Variants in CLIP4 observed in about 807,000 individuals in gnomAD.
CLIP4 encodes CAP-Gly domain-containing linker protein 4.
CLIP4 carries 47 observed loss-of-function variants against 73.1 expected under a neutral mutation model. That is an observed-to-expected ratio of 0.64 (90% confidence interval 0.51 to 0.82). The LOEUF (loss-of-function observed/expected upper bound fraction) is 0.82. CLIP4 is among the 40% of genes least tolerant of loss of function. The pLI is 0.00. For missense variants in CLIP4, 874 were observed against 852.9 expected, an observed-to-expected ratio of 1.02 and a Z score of -0.31; for synonymous variants, 306 against 295.4, an observed-to-expected ratio of 1.04 and a Z score of -0.37.
At chr2:29,142,036 G>A (rs1260872010) in intron 6 of CLIP4, among the ~76,000 whole-genome samples, 1 of 152,064 alleles carries the variant, frequency 6.6e-6, no homozygotes, top group East Asian at 1.9e-4. Context: ...TTTTGTTCCT[G>A]TTGTCGTGTT....
rs558087184 is a variant in CLIP4, at chr2:29,105,172, G to A, written c.-16+7225G>A. On this transcript the variant is annotated intron_variant, in intron 1 of 14. Coordinates refer to the CLIP4 transcript ENST00000401605. ...GATTTCCATCCCTCAAGGGTGTGTGGCTAACTTGTCTCAACTTCATTTTAA... is the reference window on the plus strand; with the variant it reads ...GATTTCCATCCCTCAAGGGTGTGTGACTAACTTGTCTCAACTTCATTTTAA... Among the ~76,000 whole-genome samples, 14 of 152,292 alleles carry A rather than the reference G, an allele frequency of 9.2e-5. No individual in the cohort carries two copies. The South Asian group carries it at 2.9e-3, about 32-fold the overall frequency.
At chr2:29,124,807 C>A (rs969016332) in intron 2 of CLIP4, among the ~76,000 whole-genome samples, 2 of 152,100 alleles carry the variant, frequency 1.3e-5, no homozygotes, top group Non-Finnish European at 2.9e-5. Context: ...GGTCTCTTCT[C>A]CACCTTTGAA....
intron 9 of CLIP4, among the ~76,000 whole-genome samples, chr2:29,155,870 T>C (rs1666890839): frequency 6.6e-6 from 1 of 152,208 alleles, no homozygotes; most frequent in South Asian, 2.1e-4. Flanking sequence ...AGAGGCTCCT[T>C]CTTTACAGAA....
intron 15 of CLIP4, among the ~76,000 whole-genome samples, chr2:29,174,893 G>A (rs1164687590): frequency 2.0e-5 from 3 of 150,692 alleles, no homozygotes; most frequent in African/African-American, 7.3e-5. Context: ...CTTTTTTTTT[G>A]TTTTGTTGCA....
chr2:29,156,932 TAGTC>T (rs1390752431), intron 10 of CLIP4, among the ~76,000 whole-genome samples: 4 of 152,148 alleles, frequency 2.6e-5, no homozygotes, highest in African/African-American at 7.2e-5. Context: ...TTAGATTAGG[TAGTC>T]AGTTCACATC....
intron 13 of CLIP4, among the ~76,000 whole-genome samples, chr2:29,164,730 A>G (rs1667496520): frequency 6.6e-6 from 1 of 152,202 alleles, no homozygotes; most frequent in Admixed American, 6.5e-5. Context: ...GTTTTCCCTT[A>G]CAACTAGACT....
At chr2:29,122,240 CTT>C (rs11359647) in intron 2 of CLIP4, among the ~76,000 whole-genome samples, 316 of 135,204 alleles carry the variant, frequency 2.3e-3, no homozygotes, top group Admixed American at 3.0e-3. Context: ...CTCCAAGTTT[CTT>C]TTTTTTTTTT....
chr2:29,107,358 G>GTTTTTTTTTGTTTTTGTTTTT (rs1558504865), intron 1 of CLIP4, among the ~76,000 whole-genome samples: 1 of 65,352 alleles, frequency 1.5e-5, no homozygotes, highest in African/African-American at 5.2e-5. Flanking sequence ...GAACATGATA[G>GTTTTTTTTTGTTTTTGTTTTT]TTTTTTTTTT....
At chr2:29,161,123 C>T (rs143995878) in intron 12 of CLIP4, among the ~76,000 whole-genome samples, 1,554 of 152,142 alleles carry the variant, frequency 0.01, 23 homozygotes, top group African/African-American at 0.035. Flanking sequence ...TACAGGCATG[C>T]GCCACCACGC....
intron 2 of CLIP4, chr2:29,130,061 A>C (rs971744609): frequency 2.1e-6 from 1 of 469,938 alleles, no homozygotes; most frequent in African/African-American, 2.0e-5. Context: ...GTTTCAGCAA[A>C]GGTTGTTCAG....
At chr2:29,170,084 C>T (rs1461257904) in intron 14 of CLIP4, among the ~76,000 whole-genome samples, 1 of 152,120 alleles carries the variant, frequency 6.6e-6, no homozygotes, top group Non-Finnish European at 1.5e-5. Flanking sequence ...GACAGGATTT[C>T]CTTCTTTTTA....
Position 29,183,234 on chromosome 2 carries a change from T to G in CLIP4, c.*1341T>G, listed in dbSNP as rs749550859. 1.3e-5 allele frequency: 2 copies of G among 152,650 alleles called. No individual in the cohort carries two copies. Among genetic ancestry groups the G allele is most frequent in the Non-Finnish European group, 2.9e-5 (2 of 68,020 alleles). 9.5% of individuals were successfully genotyped at this position (152,650 alleles called of 1,614,324 possible). A position where few individuals can be genotyped will look rare whatever the true frequency, so the allele number is the denominator to read the frequency against. ...ATTGGAACAGTTTGCTTTATAAGAT[T>G]AAAAAGCATCCTTCAGAATGGAGCT... On this transcript the variant is annotated 3_prime_UTR_variant, in exon 16 of 16. Coordinates refer to ENST00000320081, the MANE Select transcript of CLIP4 (RefSeq NM_024692.6).
rs138023816 is a variant in CLIP4 at position 29,138,914 on chromosome 2, A to G, written c.648+3248A>G. On this transcript the variant is annotated intron_variant, in intron 6 of 15. Transcript: ENST00000320081. Reference sequence around the variant, plus strand: ...AGGTTTTTTTTGGCAGAACCTTTAGAATTTTCTACATATCGAACCATATTG... The same window carrying G: ...AGGTTTTTTTTGGCAGAACCTTTAGGATTTTCTACATATCGAACCATATTG... Among the ~76,000 whole-genome samples, 1,179 of 152,040 alleles carry G rather than the reference A, an allele frequency of 7.8e-3. 14 individuals are homozygous for G. The highest frequency in any genetic ancestry group is 0.026 in the African/African-American group (1,087 of 41,502).
chr2:29,152,745 A>G lies in CLIP4; in HGVS notation c.1082A>G (p.His361Arg), dbSNP rs113238695. ...KAKGRRKNIT[H>R]TPSTKAAVPL... ...AAAGGTCGAAGGAAGAATATAACAC[A>G]CACTCCTTCTACAAAAGCTGCTGTA... Residue 361 changes from histidine to arginine, a missense_variant, in exon 9 of 16, where the codon CAC (histidine) becomes CGC (arginine). Coordinates refer to ENST00000320081, the MANE Select transcript of CLIP4 (RefSeq NM_024692.6). 9.3e-6 allele frequency: 15 copies of G among 1,613,792 alleles called. No individual in the cohort carries two copies. In the South Asian group the frequency reaches 1.6e-4, roughly 18 times the overall value.
At chr2:29,162,819 AT>A (rs2148060538) in intron 12 of CLIP4, among the ~76,000 whole-genome samples, 1 of 152,300 alleles carries the variant, frequency 6.6e-6, no homozygotes, top group East Asian at 1.9e-4. Context: ...CTTTTTATAC[AT>A]AGAGGAAAAA....
At chr2:29,125,779 T>C (rs1664564038) in intron 2 of CLIP4, among the ~76,000 whole-genome samples, 1 of 152,246 alleles carries the variant, frequency 6.6e-6, no homozygotes, top group Admixed American at 6.5e-5. Context: ...GTGTTGTGGT[T>C]GTTTCAGATG....
chr2:29,147,723 G>C (rs1367255063), intron 8 of CLIP4, among the ~76,000 whole-genome samples: 1 of 151,974 alleles, frequency 6.6e-6, no homozygotes, highest in Non-Finnish European at 1.5e-5. Context: ...CTCTCTTTTA[G>C]CTTTTTCAAC....
At chr2:29,159,683 TAAAAAAA>T (rs56927221) in intron 11 of CLIP4, among the ~76,000 whole-genome samples, 191 of 114,140 alleles carry the variant, frequency 1.7e-3, no homozygotes, top group African/African-American at 4.1e-3. Flanking sequence ...CCTGTTTCTT[TAAAAAAA>T]AAAAAAAAAA....
At chr2:29,154,676 A>G (rs1324808891) in intron 9 of CLIP4, among the ~76,000 whole-genome samples, 1 of 152,202 alleles carries the variant, frequency 6.6e-6, no homozygotes, top group East Asian at 1.9e-4. Context: ...AGGCCTCACA[A>G]TTTTGGCTGT....
Sources: allele counts gnomAD v4.1 joint callset (sites outside exome capture counted in the v4.1 genomes callset), GRCh38; gene constraint gnomAD v4.1.1; transcripts MANE v1.5; gene names NCBI Gene and HGNC (gene_info 2026-07-23, HGNC 2026-07-21).